KCNIP4: variants seen among roughly 807,000 people sequenced by gnomAD.
KCNIP4 encodes the protein Kv channel-interacting protein 4.
KCNIP4 carries 12 observed loss-of-function variants against 34.0 expected under a neutral mutation model. That is an observed-to-expected ratio of 0.35 (90% CI 0.23 to 0.57). The LOEUF (loss-of-function observed/expected upper bound fraction) is 0.57. Among genes scored for constraint, KCNIP4 ranks in the 20% least tolerant of loss-of-function variants. KCNIP4 has a pLI of 0.83. For missense variants in KCNIP4, 238 were observed against 311.7 expected, an observed-to-expected ratio of 0.76 and a Z score of 1.78; for synonymous variants, 124 against 102.2, an observed-to-expected ratio of 1.21 and a Z score of -1.29.
chr4:21,096,085 C>T (rs73802477), intron 1 of KCNIP4, among the ~76,000 whole-genome samples: 2,535 of 152,094 alleles, frequency 0.017, 81 homozygotes, highest in African/African-American at 0.057. Flanking sequence ...TTAAATTTAC[C>T]GTACATAAAA....
intron 1 of KCNIP4, among the ~76,000 whole-genome samples, chr4:20,992,809 T>A (rs116438999): frequency 0.026 from 3,897 of 151,908 alleles, 152 homozygotes; most frequent in African/African-American, 0.084. Flanking sequence ...AGGTGGATCA[T>A]CTGAAGTCAG....
intron 1 of KCNIP4, among the ~76,000 whole-genome samples, chr4:20,979,821 T>C (rs1207321900): frequency 6.6e-6 from 1 of 152,088 alleles, no homozygotes; most frequent in Non-Finnish European, 1.5e-5. Flanking sequence ...CTCTTCAATG[T>C]TTAGGGAATA....
intron 1 of KCNIP4, among the ~76,000 whole-genome samples, chr4:21,341,185 C>T (rs1424241036): frequency 1.3e-5 from 2 of 152,172 alleles, no homozygotes; most frequent in South Asian, 2.1e-4. Context: ...AAGGATTTTT[C>T]CCTAGAGCTT....
At chr4:21,744,451 G>A (rs575072131) in intron 1 of KCNIP4, among the ~76,000 whole-genome samples, 2 of 152,214 alleles carry the variant, frequency 1.3e-5, no homozygotes, top group South Asian at 4.1e-4. Context: ...GGTGAGAATT[G>A]GTTTGACTTA....
chr4:21,682,744 C>T (rs1473976166), intron 1 of KCNIP4, among the ~76,000 whole-genome samples: 1 of 152,010 alleles, frequency 6.6e-6, no homozygotes, highest in African/African-American at 2.4e-5. Flanking sequence ...TGTTGTATCT[C>T]AGGAAATAGG....
At chr4:20,794,340 T>C (rs1713173223) in intron 3 of KCNIP4, among the ~76,000 whole-genome samples, 1 of 152,166 alleles carries the variant, frequency 6.6e-6, no homozygotes. Context: ...TAAATACAGC[T>C]GAAGCTTTGC....
rs561411859 is a variant in KCNIP4 at position 21,835,963 on chromosome 4, C to T, written c.61+112608G>A. 2.8e-3 allele frequency among the ~76,000 whole-genome samples: 425 copies of T among 152,244 alleles called. 2 individuals carry two copies. The highest frequency in any genetic ancestry group is 9.5e-3 in the African/African-American group (395 of 41,548). Reference sequence around the variant, plus strand: ...TATGACTCAACTGTACATAATTCAACTATAAGCAAAACTAAAAATATATGG... The same window carrying T: ...TATGACTCAACTGTACATAATTCAATTATAAGCAAAACTAAAAATATATGG... On this transcript the variant is annotated intron_variant, in intron 1 of 8. Coordinates refer to ENST00000382152, the MANE Select transcript of KCNIP4 (RefSeq NM_025221.6).
At chr4:20,780,582 G>A (rs1363500870) in intron 3 of KCNIP4, among the ~76,000 whole-genome samples, 1 of 152,174 alleles carries the variant, frequency 6.6e-6, no homozygotes, top group African/African-American at 2.4e-5. Context: ...CATTTAACAT[G>A]ATGCTGGTGA....
At chr4:21,821,064 T>C (rs1274659585) in intron 1 of KCNIP4, among the ~76,000 whole-genome samples, 1 of 152,172 alleles carries the variant, frequency 6.6e-6, no homozygotes, top group East Asian at 1.9e-4. Flanking sequence ...AGTTTTAATT[T>C]ACATCTCCTA....
intron 1 of KCNIP4, among the ~76,000 whole-genome samples, chr4:21,860,002 C>T (rs1472038156): frequency 6.6e-6 from 1 of 152,162 alleles, no homozygotes; most frequent in African/African-American, 2.4e-5. Context: ...GATGGTGCCA[C>T]TGCACTCCAG....
At chr4:20,761,950 G>A (rs937662446) in intron 3 of KCNIP4, among the ~76,000 whole-genome samples, 1 of 152,056 alleles carries the variant, frequency 6.6e-6, no homozygotes, top group African/African-American at 2.4e-5. Context: ...AGTCTTCTAG[G>A]AACTGGGACT....
At chr4:21,270,032 C>T (rs1029040585) in intron 1 of KCNIP4, among the ~76,000 whole-genome samples, 4 of 152,126 alleles carry the variant, frequency 2.6e-5, no homozygotes, top group Admixed American at 1.3e-4. Flanking sequence ...GAGTACTTAA[C>T]TCAATAAGCA....
chr4:21,419,090 C>T (rs1029392625), intron 1 of KCNIP4, among the ~76,000 whole-genome samples: 9 of 152,278 alleles, frequency 5.9e-5, no homozygotes, highest in South Asian at 4.1e-4. Flanking sequence ...GCATGGAATA[C>T]GAATCAAGGT....
intron 1 of KCNIP4, among the ~76,000 whole-genome samples, chr4:21,221,120 T>C (rs1577909819): frequency 6.6e-6 from 1 of 152,158 alleles, no homozygotes; most frequent in African/African-American, 2.4e-5. Context: ...TGGTTACTGA[T>C]GTTGCCCAGT....
chr4:21,131,387 A>G (rs900151304), intron 1 of KCNIP4, among the ~76,000 whole-genome samples: 4 of 152,202 alleles, frequency 2.6e-5, no homozygotes, highest in African/African-American at 9.6e-5. Flanking sequence ...AGTCGGGTGG[A>G]TCACGAGGTC....
At chr4:20,928,324 C>T (rs148292495) in intron 1 of KCNIP4, among the ~76,000 whole-genome samples, 2 of 150,246 alleles carry the variant, frequency 1.3e-5, no homozygotes, top group African/African-American at 4.9e-5. Flanking sequence ...ACATGGGGAA[C>T]TTGGAAAATC....
At chr4:20,848,551 A>G (rs369040267) in intron 3 of KCNIP4, among the ~76,000 whole-genome samples, 30 of 152,270 alleles carry the variant, frequency 2.0e-4, no homozygotes, top group East Asian at 7.7e-4. Flanking sequence ...CTAGCAATTT[A>G]TTGTGAAGTG....
At chr4:21,510,428 T>C (rs1297162312) in intron 1 of KCNIP4, among the ~76,000 whole-genome samples, 2 of 152,142 alleles carry the variant, frequency 1.3e-5, no homozygotes, top group Admixed American at 6.5e-5. Flanking sequence ...CTTGTACTTA[T>C]TCTACTGATA....
intron 1 of KCNIP4, 129 bp from the exon 2 acceptor site, chr4:20,882,838 GT>G: frequency 1.7e-6 from 1 of 604,530 alleles, no homozygotes; most frequent in South Asian, 2.3e-5. Flanking sequence ...ATCACAGGCA[GT>G]GGGTTGGGAC....
Sources: gnomAD v4.1 joint callset for allele counts (sites outside exome capture counted in the v4.1 genomes callset) on GRCh38, gnomAD v4.1.1 for gene constraint, MANE v1.5 for transcripts, NCBI Gene and HGNC (gene_info 2026-07-23, HGNC 2026-07-21) for gene names.